Variants in ZNF587B observed in about 807,000 individuals in gnomAD.
The protein encoded by ZNF587B is zinc finger protein 587B.
A neutral mutation model predicts 7.2 loss-of-function variants in ZNF587B; 6 were observed. The ratio of observed to expected loss-of-function variants is 0.83; its 90% CI spans 0.46 to 1.65. ZNF587B has a LOEUF of 1.65. ZNF587B is among the 40% of genes most tolerant of loss of function. The pLI, the probability that ZNF587B is intolerant of heterozygous loss-of-function variation, is 0.01. For synonymous variants in ZNF587B, 274 were observed against 254.3 expected (o/e 1.08, Z -0.74); for missense variants, 749 against 761.0 (o/e 0.98, Z 0.19).
At position 57,830,410 on chromosome 19, in the gene ZNF587B, TG is replaced by T; in HGVS notation, c.-117del. On this transcript the variant is annotated 5_prime_UTR_variant, in exon 1 of 3. Transcript: ENST00000594901. ...GTCCTCTGCTGCACAGAGGCGACTC[TG>T]GAGCTCTGTGACGGCGCCAAGCGTG... 2 of 1,101,784 alleles carry T rather than the reference TG, an allele frequency of 1.8e-6. No individual in the cohort carries two copies. Among genetic ancestry groups the T allele is most frequent in the Non-Finnish European group, 2.6e-6 (2 of 758,588 alleles). 68.3% of individuals were successfully genotyped at this position (1,101,784 alleles called of 1,614,324 possible). A position where few individuals can be genotyped will look rare whatever the true frequency, so the allele number is the denominator to read the frequency against.
At chr19:57,830,655 C>A in intron 1 of ZNF587B, 91 bp downstream of exon 1, 2 of 1,427,212 alleles carry the variant, frequency 1.4e-6, no homozygotes, top group African/African-American at 1.4e-5. Context: ...GGTGGCAGAG[C>A]CATAGGCAGC....
In ZNF587B at chr19:57,843,835, C is replaced by T. The variant is rs571084909; in HGVS notation, c.*1259C>T. Among the ~76,000 whole-genome samples the T allele has an allele frequency of 3.3e-5, 5 of 151,896 alleles. No individual in the cohort carries two copies. Among genetic ancestry groups the T allele is most frequent in the Admixed American group, 6.6e-5 (1 of 15,244 alleles). ...CAAACTGATCTTGAACTCCTAACCTCGTGATCCACCTGCCTTGGCCTCCCA... is the reference window on the plus strand; with the variant it reads ...CAAACTGATCTTGAACTCCTAACCTTGTGATCCACCTGCCTTGGCCTCCCA... On this transcript the variant is annotated 3_prime_UTR_variant, in exon 3 of 3. Transcript: ENST00000594901.
chr19:57,842,124 C>T lies in ZNF587B; in HGVS notation c.1450C>T (p.His484Tyr), dbSNP rs1468548958. The T allele has an allele frequency of 6.2e-7, 1 of 1,610,198 alleles. No homozygotes were observed. The highest frequency in any genetic ancestry group is 8.5e-7 in the Non-Finnish European group (1 of 1,177,936). Residue 484 changes from histidine to tyrosine, a missense_variant, in exon 3 of 3, where the codon CAC becomes TAC. Transcript: ENST00000594901. ...LFKKKSHLLV[H>Y]QRIHSGEKPY... ...TAAGAAGAAGTCTCACCTCCTTGTACACCAGAGAATTCACAGTGGAGAGAA... is the reference window on the plus strand; with the variant it reads ...TAAGAAGAAGTCTCACCTCCTTGTATACCAGAGAATTCACAGTGGAGAGAA...
chr19:57,837,821 G>A (rs1988680782), intron 1 of ZNF587B, among the ~76,000 whole-genome samples: 1 of 151,930 alleles, frequency 6.6e-6, no homozygotes, highest in South Asian at 2.1e-4. Context: ...CTGACCTCAG[G>A]CGATCCACCC....
In ZNF587B at chr19:57,844,350, A is replaced by T; in HGVS notation, c.*1774A>T. 1 of 282,812 alleles carries T rather than the reference A, an allele frequency of 3.5e-6. No homozygotes were observed. The highest frequency in any genetic ancestry group is 2.5e-5 in the South Asian group (1 of 39,440). The allele number at this position is 282,812 out of a possible 1,614,324, so 17.5% of individuals were successfully genotyped here. On this transcript the variant is annotated 3_prime_UTR_variant, in exon 3 of 3. Coordinates refer to ENST00000594901, the MANE Select transcript of ZNF587B (RefSeq NM_001376223.1). Reference sequence around the variant, plus strand: ...AAATCCTGTCTCTTCTAAAAATATAAAAATTAGCCGGGCATGGTGGCGCAC... The same window carrying T: ...AAATCCTGTCTCTTCTAAAAATATATAAATTAGCCGGGCATGGTGGCGCAC...
chr19:57,832,110 A>G (rs1408494061), intron 1 of ZNF587B, among the ~76,000 whole-genome samples: 2 of 151,542 alleles, frequency 1.3e-5, no homozygotes, highest in African/African-American at 4.9e-5. Context: ...TTTTTGAGAC[A>G]GAGTCTCGCT....
intron 1 of ZNF587B, among the ~76,000 whole-genome samples, chr19:57,831,746 C>A (rs1988407960): frequency 6.6e-6 from 1 of 150,472 alleles, no homozygotes; most frequent in African/African-American, 2.4e-5. Context: ...AGTCTGTCAC[C>A]CAGCCTGGAG....
rs576509222 is a variant in ZNF587B at position 57,844,213 on chromosome 19, T to G, written c.*1637T>G. 1 of 437,524 alleles carries G rather than the reference T, an allele frequency of 2.3e-6. No homozygotes were observed. The highest frequency in any genetic ancestry group is 4.5e-6 in the Non-Finnish European group (1 of 220,124). 27.1% of individuals were successfully genotyped at this position (437,524 alleles called of 1,614,324 possible). ...CTTGTGCTGACTTGAAAAGATGGAC[T>G]ATTTTGGCTAAGCATGGTGGCTCAT... is the stretch of plus-strand genomic sequence containing the variant. On this transcript the variant is annotated 3_prime_UTR_variant, in exon 3 of 3. Transcript: ENST00000594901.
intron 1 of ZNF587B, among the ~76,000 whole-genome samples, chr19:57,830,827 C>G (rs1010293886): frequency 2.0e-5 from 3 of 151,992 alleles, no homozygotes; most frequent in Non-Finnish European, 2.9e-5. Flanking sequence ...TTTATTTAGC[C>G]GGCGGCCAAG....
chr19:57,840,207 A>G (rs1988786937), intron 2 of ZNF587B, among the ~76,000 whole-genome samples: 1 of 150,976 alleles, frequency 6.6e-6, no homozygotes, highest in South Asian at 2.2e-4. Context: ...CAAGAGAAGT[A>G]GGCACACATA....
intron 1 of ZNF587B, among the ~76,000 whole-genome samples, chr19:57,836,960 TAAAAAAAA>T (rs71188052): frequency 9.4e-6 from 1 of 106,258 alleles, no homozygotes. Context: ...GACTCCGTCA[TAAAAAAAA>T]AAAAAAAAAA....
At chr19:57,835,644 G>A (rs1988571856) in intron 1 of ZNF587B, among the ~76,000 whole-genome samples, 1 of 142,734 alleles carries the variant, frequency 7.0e-6, no homozygotes, top group African/African-American at 2.7e-5. Flanking sequence ...TTACAGACTC[G>A]AGCCACCGTG....
At chr19:57,838,782 G>A (rs1006314408) in intron 1 of ZNF587B, among the ~76,000 whole-genome samples, 8 of 152,062 alleles carry the variant, frequency 5.3e-5, no homozygotes, top group Admixed American at 1.3e-4. Context: ...CCATGACCTC[G>A]GCCATACTAG....
chr19:57,843,583 G>C lies in ZNF587B; in HGVS notation c.*1007G>C. The C allele has an allele frequency of 1.2e-6, 1 of 863,132 alleles. No homozygotes were observed. Among genetic ancestry groups the C allele is most frequent in the Non-Finnish European group, 1.3e-6 (1 of 754,492 alleles). 53.5% of individuals were successfully genotyped at this position (863,132 alleles called of 1,614,324 possible). A position where few individuals can be genotyped will look rare whatever the true frequency, so the allele number is the denominator to read the frequency against. ...TTTTGTTTGGTTGGTTGGTTGGTTGGTTGGTTGTTTTTTTTTGTTTTTTTT... is the reference window on the plus strand; with the variant it reads ...TTTTGTTTGGTTGGTTGGTTGGTTGCTTGGTTGTTTTTTTTTGTTTTTTTT... On this transcript the variant is annotated 3_prime_UTR_variant, in exon 3 of 3. Transcript: ENST00000594901.
chr19:57,843,089 A>T lies in ZNF587B; in HGVS notation c.*513A>T. On this transcript the variant is annotated 3_prime_UTR_variant, in exon 3 of 3. Coordinates refer to ENST00000594901, the MANE Select transcript of ZNF587B (RefSeq NM_001376223.1). ...TAGCTCACTGCATCCTCCGCCCCCT[A>T]GGCTCAAGTGATCTTCCCACCTTAG... The T allele has an allele frequency of 2.8e-6, 2 of 713,080 alleles. No homozygotes were observed. Among genetic ancestry groups the T allele is most frequent in the Non-Finnish European group, 3.4e-6 (2 of 581,306 alleles). The allele number at this position is 713,080 out of a possible 1,614,324, so 44.2% of individuals were successfully genotyped here.
Position 57,842,204 on chromosome 19 carries a change from T to G in ZNF587B, c.1530T>G (p.Thr510=), listed in dbSNP as rs781323500. 1.1e-5 allele frequency: 18 copies of G among 1,613,454 alleles called. No homozygotes were observed. The highest frequency in any genetic ancestry group is 1.4e-5 in the Non-Finnish European group (17 of 1,179,710). The change falls in exon 3 of 3, where the codon ACT becomes ACG. Residue 510 remains threonine, a synonymous_variant. Coordinates refer to ENST00000594901, the MANE Select transcript of ZNF587B (RefSeq NM_001376223.1). ...QKFFRHKCHL[T]AHQRVHTGER... ...TTTTTAGGCACAAGTGCCACCTCAC[T>G]GCACACCAGAGAGTTCACACTGGAG...
rs779054117 is a variant in ZNF587B, at chr19:57,841,312, A to G, written c.638A>G (p.His213Arg). 14 of 1,613,146 alleles carry G rather than the reference A, an allele frequency of 8.7e-6. No homozygotes were observed. Among genetic ancestry groups the G allele is most frequent in the Non-Finnish European group, 1.1e-5 (13 of 1,179,548 alleles). The change falls in exon 3 of 3, where the codon CAC becomes CGC. Residue 213 changes from histidine to arginine, a missense_variant. Transcript: ENST00000594901. ...CVSPFQCGGA[H>R]YSHGDSMKHF... is the part of the protein sequence containing the mutation. Reference sequence around the variant, plus strand: ...TCTCCCTTTCAGTGTGGGGGAGCTCACTATAGCCATGGAGATTCCATGAAA... The same window carrying G: ...TCTCCCTTTCAGTGTGGGGGAGCTCGCTATAGCCATGGAGATTCCATGAAA...
intron 1 of ZNF587B, 53 bp downstream of exon 1, chr19:57,830,617 C>T (rs545593984): frequency 7.1e-6 from 11 of 1,541,450 alleles, no homozygotes; most frequent in Admixed American, 5.9e-5. Flanking sequence ...ACCCAAAAGC[C>T]TGTAGTCTTG....
Position 57,843,243 on chromosome 19 carries a change from C to T in ZNF587B, c.*667C>T, listed in dbSNP as rs1988927452. On this transcript the variant is annotated 3_prime_UTR_variant, in exon 3 of 3. Transcript: ENST00000594901. Reference sequence around the variant, plus strand: ...CTGAGCTCAAGCAATCTGTACACCTCAGCCTCCCAAAGTGCTGAGATTGTA... The same window carrying T: ...CTGAGCTCAAGCAATCTGTACACCTTAGCCTCCCAAAGTGCTGAGATTGTA... 1 of 959,656 alleles carries T rather than the reference C, an allele frequency of 1.0e-6. No homozygotes were observed. The allele number at this position is 959,656 out of a possible 1,614,324, so 59.4% of individuals were successfully genotyped here. A position where few individuals can be genotyped will look rare whatever the true frequency, so the allele number is the denominator to read the frequency against.
Sources: allele counts gnomAD v4.1 joint callset (sites outside exome capture counted in the v4.1 genomes callset), GRCh38; gene constraint gnomAD v4.1.1; transcripts MANE v1.5; gene names NCBI Gene and HGNC (gene_info 2026-07-23, HGNC 2026-07-21).